The following PDE1C variants were observed in gnomAD, a reference collection of about 807,000 sequenced individuals.
The protein encoded by PDE1C is phosphodiesterase 1C.
A neutral mutation model predicts 93.1 loss-of-function variants in PDE1C; 62 were observed. That is an observed-to-expected ratio of 0.67 (90% CI 0.54 to 0.82). PDE1C has a LOEUF of 0.82. Among genes scored for constraint, PDE1C ranks in the 40% least tolerant of loss-of-function variants. The probability of loss-of-function intolerance (pLI) is 0.00; values close to 1 mark genes in which losing one functional copy is unlikely to be tolerated. For missense variants in PDE1C, 742 were observed against 884.6 expected, an observed-to-expected ratio of 0.84 and a Z score of 2.04; for synonymous variants, 325 against 310.1, an observed-to-expected ratio of 1.05 and a Z score of -0.50.
chr7:31,630,147 T>C, the PDE1C span, among the ~76,000 whole-genome samples: 1 of 150,928 alleles, frequency 6.6e-6, no homozygotes, highest in African/African-American at 2.4e-5. Flanking sequence ...GAATTTTTGA[T>C]GTTACTACTA....
intron 2 of PDE1C, among the ~76,000 whole-genome samples, chr7:31,907,577 A>T (rs892723124): frequency 6.6e-6 from 1 of 152,194 alleles, no homozygotes; most frequent in African/African-American, 2.4e-5. Flanking sequence ...TTTATTTATA[A>T]TTTTATATTC....
intron 16 of PDE1C, among the ~76,000 whole-genome samples, chr7:31,779,308 G>A (rs982776992): frequency 2.0e-5 from 3 of 152,206 alleles, no homozygotes; most frequent in African/African-American, 7.2e-5. Context: ...AAACTGCAAA[G>A]TGCTCAATGA....
intron 9 of PDE1C, among the ~76,000 whole-genome samples, chr7:31,843,022 C>A (rs1392536255): frequency 1.3e-5 from 2 of 151,874 alleles, no homozygotes; most frequent in African/African-American, 2.4e-5. Context: ...GTTTAATTTT[C>A]AAATATACAG....
chr7:32,127,047 G>C (rs1317499209), intron 3 of PDE1C, among the ~76,000 whole-genome samples: 2 of 152,176 alleles, frequency 1.3e-5, no homozygotes, highest in African/African-American at 2.4e-5. Flanking sequence ...CATCCAATCA[G>C]TTGAGGGCCT....
At chr7:32,024,288 T>C (rs1171045812) in intron 2 of PDE1C, among the ~76,000 whole-genome samples, 1 of 151,824 alleles carries the variant, frequency 6.6e-6, no homozygotes, top group Middle Eastern at 3.2e-3. Flanking sequence ...ATTTATAAAA[T>C]GTCTGAAGTT....
At chr7:32,314,053 GA>G (rs905593980) in intron 1 of PDE1C, among the ~76,000 whole-genome samples, 9 of 151,494 alleles carry the variant, frequency 5.9e-5, no homozygotes. Context: ...AATGAGAAAT[GA>G]AAAAAATAAA....
intron 7 of PDE1C, among the ~76,000 whole-genome samples, chr7:31,851,402 G>A (rs997095733): frequency 2.0e-5 from 3 of 152,150 alleles, no homozygotes; most frequent in Non-Finnish European, 4.4e-5. Flanking sequence ...GATCAGAAAC[G>A]CTAGGTTGTG....
chr7:32,220,540 G>A (rs1806771962), intron 1 of PDE1C, among the ~76,000 whole-genome samples: 1 of 152,182 alleles, frequency 6.6e-6, no homozygotes. Context: ...GTCCAGCCGG[G>A]CATGGTGGCT....
At chr7:32,372,738 T>C (rs1784354819) in intron 1 of PDE1C, among the ~76,000 whole-genome samples, 1 of 152,154 alleles carries the variant, frequency 6.6e-6, no homozygotes, top group South Asian at 2.1e-4. Flanking sequence ...ATACAGAATA[T>C]ACAAGGAACC....
intron 1 of PDE1C, among the ~76,000 whole-genome samples, chr7:32,399,581 C>CTT (rs34748013): frequency 0.26 from 30,602 of 117,488 alleles, 5,298 homozygotes; most frequent in Non-Finnish European, 0.34. Flanking sequence ...CTTCATTTAA[C>CTT]TTTTTTTTTT....
At chr7:32,218,571 TTTTC>T (rs1361866417) in intron 1 of PDE1C, among the ~76,000 whole-genome samples, 17 of 152,296 alleles carry the variant, frequency 1.1e-4, no homozygotes, top group Non-Finnish European at 2.2e-4. Flanking sequence ...ATCCTGTACT[TTTTC>T]TTTTAGTTTG....
intron 3 of PDE1C, among the ~76,000 whole-genome samples, chr7:32,095,495 G>T (rs1275932352): frequency 6.6e-6 from 1 of 152,174 alleles, no homozygotes; most frequent in Admixed American, 6.5e-5. Context: ...TACTGTCTCA[G>T]TTGCAGCTGC....
chr7:32,041,088 T>C (rs1791750302), intron 2 of PDE1C, among the ~76,000 whole-genome samples: 1 of 152,140 alleles, frequency 6.6e-6, no homozygotes, highest in South Asian at 2.1e-4. Context: ...TCCCAAGACT[T>C]CAGTGACTAA....
rs904850607 is a variant in PDE1C at position 31,752,955 on chromosome 7, T to G, written c.*429A>C. ...CATTTTAAATAGGTGTATTTAAAAT[T>G]GGAAAATATGTTTTTATCAGTGCAT... On this transcript the variant is annotated 3_prime_UTR_variant, in exon 18 of 18. Coordinates refer to ENST00000396191, the MANE Select transcript of PDE1C (RefSeq NM_001191057.4). 3.3e-5 allele frequency: 5 copies of G among 152,484 alleles called. No individual in the cohort carries two copies. The highest frequency in any genetic ancestry group is 1.2e-4 in the African/African-American group (5 of 41,474). The allele number at this position is 152,484 out of a possible 1,614,324, so 9.4% of individuals were successfully genotyped here. A position where few individuals can be genotyped will look rare whatever the true frequency, so the allele number is the denominator to read the frequency against.
intron 1 of PDE1C, among the ~76,000 whole-genome samples, chr7:32,218,966 A>G (rs947245550): frequency 6.6e-6 from 1 of 152,230 alleles, no homozygotes; most frequent in Non-Finnish European, 1.5e-5. Context: ...TCAGGTAGCC[A>G]GGAATCCAGC....
intron 3 of PDE1C, among the ~76,000 whole-genome samples, chr7:32,123,577 T>C (rs1479111979): frequency 6.6e-6 from 1 of 152,020 alleles, no homozygotes; most frequent in Non-Finnish European, 1.5e-5. Flanking sequence ...ACTTAATCCA[T>C]CACATAAACA....
chr7:31,910,817 G>C (rs1801133791), intron 2 of PDE1C, among the ~76,000 whole-genome samples: 1 of 152,268 alleles, frequency 6.6e-6, no homozygotes, highest in African/African-American at 2.4e-5. Flanking sequence ...GTTGGTGTGA[G>C]GAGTAAGTTT....
intron 1 of PDE1C, among the ~76,000 whole-genome samples, chr7:32,051,796 A>G (rs1793418348): frequency 6.6e-6 from 1 of 152,140 alleles, no homozygotes. Flanking sequence ...AAAAAATAGC[A>G]TCCCAAGAGC....
the PDE1C span, among the ~76,000 whole-genome samples, chr7:31,626,156 CTG>C: frequency 6.6e-6 from 1 of 152,326 alleles, no homozygotes; most frequent in South Asian, 2.1e-4. Flanking sequence ...ATCTAAAAAT[CTG>C]TGACTATGTG....
Sources: allele counts gnomAD v4.1 joint callset (sites outside exome capture counted in the v4.1 genomes callset), GRCh38; gene constraint gnomAD v4.1.1; transcripts MANE v1.5; gene names NCBI Gene and HGNC (gene_info 2026-07-23, HGNC 2026-07-21).